Variants in HPSE2 observed in about 807,000 individuals in gnomAD.
The protein encoded by HPSE2 is heparanase 2 (inactive).
A neutral mutation model predicts 60.5 loss-of-function variants in HPSE2; 38 were observed. The observed-to-expected ratio is 0.63, with a 90% CI of 0.48 to 0.82. HPSE2 has a LOEUF of 0.82. Among genes scored for constraint, HPSE2 ranks in the 40% least tolerant of loss-of-function variants. The probability of loss-of-function intolerance (pLI) is 0.00; values close to 1 mark genes in which losing one functional copy is unlikely to be tolerated. For missense variants in HPSE2, 713 were observed against 740.4 expected, an observed-to-expected ratio of 0.96 and a Z score of 0.43; for synonymous variants, 295 against 293.2, an observed-to-expected ratio of 1.01 and a Z score of -0.06.
chr10:98,696,875 C>T (rs189535491), intron 5 of HPSE2, among the ~76,000 whole-genome samples: 58 of 152,270 alleles, frequency 3.8e-4, no homozygotes, highest in Non-Finnish European at 7.6e-4. Context: ...GAACTGAACC[C>T]CCAGTGAACC....
intron 3 of HPSE2, among the ~76,000 whole-genome samples, chr10:99,129,248 G>A (rs1291167971): frequency 6.6e-6 from 1 of 152,032 alleles, no homozygotes; most frequent in Non-Finnish European, 1.5e-5. Context: ...AGACAACAAA[G>A]AAACAAGGGA....
intron 10 of HPSE2, among the ~76,000 whole-genome samples, chr10:98,484,775 T>A (rs1941379473): frequency 6.6e-6 from 1 of 152,250 alleles, no homozygotes. Context: ...TAAATGAGCA[T>A]AAGATCTTCA....
chr10:99,159,095 G>C (rs148477913), intron 2 of HPSE2, among the ~76,000 whole-genome samples: 19 of 151,496 alleles, frequency 1.3e-4, no homozygotes, highest in African/African-American at 3.6e-4. Context: ...ATCTAAGTTC[G>C]CACTTACAAA....
At chr10:98,580,717 C>T (rs1467114168) in intron 9 of HPSE2, among the ~76,000 whole-genome samples, 1 of 151,728 alleles carries the variant, frequency 6.6e-6, no homozygotes, top group East Asian at 1.9e-4. Context: ...GGCTATTAGG[C>T]TATTCACTGG....
chr10:98,673,486 A>T (rs2134117317), intron 6 of HPSE2, among the ~76,000 whole-genome samples: 1 of 152,316 alleles, frequency 6.6e-6, no homozygotes, highest in East Asian at 1.9e-4. Flanking sequence ...TTTTAGGAGA[A>T]TCCTGCCAAC....
chr10:98,580,836 A>ATATATATATATGTGTGTGTGTGTG, intron 9 of HPSE2, among the ~76,000 whole-genome samples: 7 of 119,528 alleles, frequency 5.9e-5, no homozygotes, highest in African/African-American at 2.5e-4. Context: ...ATATATATAT[A>ATATATATATATGTGTGTGTGTGTG]TGTGTGTGTG....
chr10:99,101,184 A>G (rs1843963971), intron 3 of HPSE2, among the ~76,000 whole-genome samples: 1 of 152,306 alleles, frequency 6.6e-6, no homozygotes, highest in Non-Finnish European at 1.5e-5. Context: ...ATTAAAAGAC[A>G]CAGACTGGCA....
chr10:98,807,326 C>T (rs1386111031), intron 3 of HPSE2, among the ~76,000 whole-genome samples: 1 of 152,162 alleles, frequency 6.6e-6, no homozygotes, highest in Non-Finnish European at 1.5e-5. Flanking sequence ...GTCTGCTAGT[C>T]TTAAACTTCC....
intron 3 of HPSE2, among the ~76,000 whole-genome samples, chr10:98,815,041 G>A (rs780725204): frequency 7.1e-4 from 108 of 152,318 alleles, no homozygotes; most frequent in Non-Finnish European, 1.2e-3. Context: ...GCCAAGGCAG[G>A]AGGACTGCTT....
intron 3 of HPSE2, among the ~76,000 whole-genome samples, chr10:99,043,753 A>T (rs1314226009): frequency 6.6e-6 from 1 of 152,188 alleles, no homozygotes; most frequent in African/African-American, 2.4e-5. Flanking sequence ...GAATAGACCA[A>T]ACTGAGGAAA....
the HPSE2 span, among the ~76,000 whole-genome samples, chr10:99,311,953 G>C: frequency 2.7e-3 from 418 of 152,298 alleles, 2 homozygotes; most frequent in African/African-American, 9.8e-3. Flanking sequence ...AAGTTTTAGT[G>C]GTCTAGATAG....
At chr10:99,003,899 C>T (rs1254295271) in intron 3 of HPSE2, among the ~76,000 whole-genome samples, 1 of 152,066 alleles carries the variant, frequency 6.6e-6, no homozygotes, top group Non-Finnish European at 1.5e-5. Flanking sequence ...CCTAGATTTT[C>T]TTCCAGTGAC....
chr10:98,699,542 A>AT (rs1948341704), intron 5 of HPSE2, among the ~76,000 whole-genome samples: 1 of 119,726 alleles, frequency 8.4e-6, no homozygotes, highest in South Asian at 4.0e-4. Context: ...ATCATACTGA[A>AT]TGGGCAAAAA....
chr10:99,147,483 A>G (rs998944494), intron 2 of HPSE2, among the ~76,000 whole-genome samples: 2 of 152,226 alleles, frequency 1.3e-5, no homozygotes, highest in Non-Finnish European at 2.9e-5. Flanking sequence ...TAAACTCCCT[A>G]TTTCCTATCT....
At chr10:99,259,064 G>A in the HPSE2 span, among the ~76,000 whole-genome samples, 2 of 152,120 alleles carry the variant, frequency 1.3e-5, no homozygotes, top group Non-Finnish European at 2.9e-5. Flanking sequence ...TAGGCACTTT[G>A]GGAGGCTGAT....
At chr10:98,641,778 G>C (rs1210805872) in intron 7 of HPSE2, 69 bp downstream of exon 7, 1 of 1,179,202 alleles carries the variant, frequency 8.5e-7, no homozygotes, top group Non-Finnish European at 1.3e-6. Flanking sequence ...GCCCAGCTGG[G>C]ACTTTGTGTC....
chr10:99,182,298 T>C (rs1019186022), intron 2 of HPSE2, among the ~76,000 whole-genome samples: 1 of 152,162 alleles, frequency 6.6e-6, no homozygotes, highest in Admixed American at 6.5e-5. Flanking sequence ...AATCACCTAG[T>C]TTATCCCCCT....
At position 98,837,062 on chromosome 10, in the gene HPSE2, CAAAT is replaced by C. The variant is rs149296312; in HGVS notation, c.611-93010_611-93007del. On this transcript the variant is annotated intron_variant, in intron 3 of 11. Transcript: ENST00000370552. ...TCTGTCTCAAAAACAAACAAACAAA[CAAAT>C]AAATAAATAAACTGATTATAATCTT... Among the ~76,000 whole-genome samples, 1,436 of 152,068 alleles carry C rather than the reference CAAAT, an allele frequency of 9.4e-3. 21 individuals are homozygous for C. Among genetic ancestry groups the C allele is most frequent in the African/African-American group, 0.033 (1,367 of 41,464 alleles).
At position 98,756,380 on chromosome 10, in the gene HPSE2, TAA is replaced by T. The variant is rs996487507; in HGVS notation, c.611-12326_611-12325del. 5.3e-5 allele frequency among the ~76,000 whole-genome samples: 8 copies of T among 151,964 alleles called. No homozygotes were observed. The East Asian group carries it at 1.4e-3, about 26-fold the overall frequency. On this transcript the variant is annotated intron_variant, in intron 3 of 11. Transcript: ENST00000370552. ...AAACCATACAAAATATCAATAAAAC[TAA>T]AAGTTTGTTTTTTGAAAGAATAAGA... is the stretch of plus-strand genomic sequence containing the variant.
Sources: gnomAD v4.1 joint callset for allele counts (sites outside exome capture counted in the v4.1 genomes callset) on GRCh38, gnomAD v4.1.1 for gene constraint, MANE v1.5 for transcripts, NCBI Gene and HGNC (gene_info 2026-07-23, HGNC 2026-07-21) for gene names.